MAST2: variants seen among roughly 807,000 people sequenced by gnomAD.
MAST2 encodes microtubule-associated serine/threonine-protein kinase 2.
A neutral mutation model predicts 147.4 loss-of-function variants in MAST2; 70 were observed. The observed-to-expected ratio is 0.47, with a 90% CI of 0.39 to 0.58. MAST2 has a LOEUF of 0.58. Among genes scored for constraint, MAST2 ranks in the 20% least tolerant of loss-of-function variants. The probability of loss-of-function intolerance (pLI) is 0.00; values close to 1 mark genes in which losing one functional copy is unlikely to be tolerated. For missense variants in MAST2, 2,080 were observed against 2,302.3 expected (o/e 0.90, Z 1.98); for synonymous variants, 869 against 896.8 (o/e 0.97, Z 0.55).
intron 3 of MAST2, among the ~76,000 whole-genome samples, chr1:45,857,612 T>C (rs1430118594): frequency 2.0e-5 from 3 of 152,180 alleles, no homozygotes; most frequent in African/African-American, 7.2e-5. Context: ...TTAGTTCTTA[T>C]TTTTATACTT....
chr1:45,896,554 A>G (rs570917220), intron 4 of MAST2, among the ~76,000 whole-genome samples: 6 of 152,238 alleles, frequency 3.9e-5, no homozygotes, highest in Non-Finnish European at 8.8e-5. Context: ...TTCTTGCCCC[A>G]GGTGTAGGGT....
intron 3 of MAST2, among the ~76,000 whole-genome samples, chr1:45,842,806 G>C (rs1349688181): frequency 7.2e-5 from 11 of 152,254 alleles, no homozygotes; most frequent in Non-Finnish European, 5.9e-5. Context: ...GGATATACCT[G>C]GGGTGGAATC....
Position 45,975,665 on chromosome 1 carries a change from A to C in MAST2, c.592+16188A>C, listed in dbSNP as rs185944789. Among the ~76,000 whole-genome samples the C allele has an allele frequency of 5.2e-4, 78 of 148,678 alleles. 2 individuals carry two copies. Among genetic ancestry groups the C allele is most frequent in the African/African-American group, 1.9e-3 (77 of 40,914 alleles). On this transcript the variant is annotated intron_variant, in intron 5 of 28. Transcript: ENST00000361297. ...GCTCTCCAGCCTGTGAAACAGAGCA[A>C]GACTCTGTCTCAAAAAAAAAAAAAA...
rs557476376 is a variant in MAST2 at position 45,933,030 on chromosome 1, C to T, written c.501-26356C>T. On this transcript the variant is annotated intron_variant, in intron 4 of 28. Coordinates refer to ENST00000361297, the MANE Select transcript of MAST2 (RefSeq NM_015112.3). ...TTTAGGGGGCTGAGGAGTTCAAGAC[C>T]AGCCTGAGCAACTTAGTGAGACCCC... 2.1e-5 allele frequency among the ~76,000 whole-genome samples: 3 copies of T among 139,948 alleles called. No individual in the cohort carries two copies. In the South Asian group the frequency reaches 6.7e-4, roughly 31 times the overall value. 91.8% of individuals were successfully genotyped at this position (139,948 alleles called of 152,430 possible).
intron 4 of MAST2, among the ~76,000 whole-genome samples, chr1:45,923,150 T>C (rs1653802969): frequency 6.6e-6 from 1 of 152,114 alleles, no homozygotes; most frequent in Non-Finnish European, 1.5e-5. Context: ...TCTGTGCACT[T>C]CTCTCCCACT....
At chr1:45,904,276 C>T (rs1050385764) in intron 4 of MAST2, among the ~76,000 whole-genome samples, 1 of 151,550 alleles carries the variant, frequency 6.6e-6, no homozygotes, top group Non-Finnish European at 1.5e-5. Context: ...CAGATTCAAG[C>T]GATTCTCCTG....
chr1:45,966,570 A>T (rs565868027), intron 5 of MAST2, among the ~76,000 whole-genome samples: 1 of 152,264 alleles, frequency 6.6e-6, no homozygotes, highest in South Asian at 2.1e-4. Context: ...GTCTCTACTA[A>T]AAATAGCCAG....
At chr1:45,980,072 G>A (rs1571044737) in intron 5 of MAST2, among the ~76,000 whole-genome samples, 1 of 152,056 alleles carries the variant, frequency 6.6e-6, no homozygotes, top group East Asian at 1.9e-4. Flanking sequence ...ATCACTTGAG[G>A]TCAGGAGTTC....
At chr1:45,896,717 T>G (rs1648801974) in intron 4 of MAST2, among the ~76,000 whole-genome samples, 1 of 152,182 alleles carries the variant, frequency 6.6e-6, no homozygotes, top group Admixed American at 6.5e-5. Flanking sequence ...CTATGGGAGT[T>G]GTAAGCCAGA....
At position 46,035,138 on chromosome 1, in the gene MAST2, A is replaced by G. The variant is rs1490483679; in HGVS notation, c.4469A>G (p.Glu1490Gly). ...TLRQDRAERR[E>G]SLQKQEAIRE... is the part of the protein sequence containing the mutation. The stretch of plus-strand genomic sequence containing the variant: ...CGGCAGGACCGAGCCGAACGACGGG[A>G]GTCGCTGCAGAAGCAAGAAGCCATT... The change falls in exon 29 of 29, where the codon GAG (glutamate) becomes GGG (glycine). Residue 1490 changes from glutamate (E) to glycine (G), a missense_variant. Physicochemically the swap from Glu to Gly is moderately conservative, Grantham distance 98 (BLOSUM62 -2). This residue lies in a region of MAST2 where 1,278 missense variants were observed against 1,304.2 expected (regional missense o/e 0.98). Coordinates refer to ENST00000361297, the MANE Select transcript of MAST2 (RefSeq NM_015112.3). This position sits in a 1 kb window ranked among gnomAD's most constrained non-coding sequence, Gnocchi z 5.5. 2 of 1,613,718 alleles carry G rather than the reference A, an allele frequency of 1.2e-6. No individual in the cohort carries two copies. The highest frequency in any genetic ancestry group is 1.7e-5 in the Admixed American group (1 of 60,024).
intron 3 of MAST2, among the ~76,000 whole-genome samples, chr1:45,835,988 CTT>C (rs1645091119): frequency 6.6e-6 from 1 of 152,114 alleles, no homozygotes; most frequent in Non-Finnish European, 1.5e-5. Context: ...GTAAACCACA[CTT>C]TTATCCGTTT....
At position 45,878,076 on chromosome 1, in the gene MAST2, T is replaced by C. The variant is rs866921325; in HGVS notation, c.469-4288T>C. ...AAAATTAGCCAGGCATGGTGGCACA[T>C]GCTTGTAAACCCAGTTACTTGGGAG... is the stretch of plus-strand genomic sequence containing the variant. On this transcript the variant is annotated intron_variant, in intron 3 of 28. Coordinates refer to ENST00000361297, the MANE Select transcript of MAST2 (RefSeq NM_015112.3). Among the ~76,000 whole-genome samples the C allele has an allele frequency of 2.8e-4, 42 of 152,024 alleles. 1 individual carries two copies. In the Middle Eastern group the frequency reaches 0.034, roughly 123 times the overall value.
intron 1 of MAST2, among the ~76,000 whole-genome samples, chr1:45,811,381 C>A (rs1365921278): frequency 6.7e-6 from 1 of 149,814 alleles, no homozygotes; most frequent in South Asian, 2.1e-4. Context: ...CTCTGTCGCC[C>A]AGACTCGAGT....
intron 5 of MAST2, among the ~76,000 whole-genome samples, chr1:45,993,553 G>T (rs1018213843): frequency 2.0e-5 from 3 of 151,932 alleles, no homozygotes; most frequent in African/African-American, 7.3e-5. Context: ...GCATGGTGGC[G>T]CGTGCCTGTA....
At chr1:45,845,585 G>T (rs1645405286) in intron 3 of MAST2, among the ~76,000 whole-genome samples, 1 of 152,096 alleles carries the variant, frequency 6.6e-6, no homozygotes, top group East Asian at 1.9e-4. Context: ...TTTTCATGAT[G>T]CTGAAAATGC....
intron 1 of MAST2, among the ~76,000 whole-genome samples, chr1:45,806,768 G>A (rs1485654990): frequency 6.6e-6 from 1 of 152,130 alleles, no homozygotes; most frequent in Non-Finnish European, 1.5e-5. Flanking sequence ...GTGGAGATGG[G>A]GTTTCACCAT....
chr1:45,995,464 G>A (rs1313841254), intron 5 of MAST2, among the ~76,000 whole-genome samples: 1 of 152,168 alleles, frequency 6.6e-6, no homozygotes, highest in Non-Finnish European at 1.5e-5. Flanking sequence ...ACCAAAGAAT[G>A]ACTCAGACAA....
At chr1:45,847,925 A>G (rs1473422676) in intron 3 of MAST2, among the ~76,000 whole-genome samples, 1 of 152,234 alleles carries the variant, frequency 6.6e-6, no homozygotes, top group African/African-American at 2.4e-5. Flanking sequence ...ATTGAAAAGC[A>G]GTGCTACTGG....
chr1:45,859,170 C>T (rs548178288), intron 3 of MAST2, among the ~76,000 whole-genome samples: 1 of 152,290 alleles, frequency 6.6e-6, no homozygotes, highest in East Asian at 1.9e-4. Context: ...TCTCGGCTCA[C>T]TGCAACCTCC....
Sources: gnomAD v4.1 joint callset for allele counts (sites outside exome capture counted in the v4.1 genomes callset) on GRCh38, gnomAD v4.1.1 for gene constraint, gnomAD v4.1.1 regional missense constraint, Gnocchi (gnomAD v3.1) non-coding constraint, MANE v1.5 for transcripts, NCBI Gene and HGNC (gene_info 2026-07-23, HGNC 2026-07-21) for gene names.